SH3RF3: variants seen among roughly 807,000 people sequenced by gnomAD.
The protein encoded by SH3RF3 is E3 ubiquitin-protein ligase SH3RF3.
In SH3RF3, 29 loss-of-function variants were observed where a neutral mutation model predicts 66.3. The observed-to-expected ratio is 0.44, with a 90% confidence interval of 0.33 to 0.60. The LOEUF (loss-of-function observed/expected upper bound fraction) is 0.60. Among genes scored for constraint, SH3RF3 ranks in the 20% least tolerant of loss-of-function variants. The pLI is 0.04. For synonymous variants in SH3RF3, 583 were observed against 532.0 expected (o/e 1.10, Z -1.32); for missense variants, 1,194 against 1,190.9 (o/e 1.00, Z -0.04).
At chr2:109,151,602 C>T (rs1677227393) in intron 1 of SH3RF3, among the ~76,000 whole-genome samples, 1 of 152,222 alleles carries the variant, frequency 6.6e-6, no homozygotes, top group South Asian at 2.1e-4. Context: ...AATTTGCATC[C>T]TTTCATCCAT....
intron 3 of SH3RF3, among the ~76,000 whole-genome samples, chr2:109,380,249 A>G (rs1272990998): frequency 6.6e-6 from 1 of 152,164 alleles, no homozygotes; most frequent in Non-Finnish European, 1.5e-5. Flanking sequence ...TCTTCGTGAA[A>G]TTAACATCTT....
chr2:109,294,580 A>C (rs2105375331), intron 1 of SH3RF3, among the ~76,000 whole-genome samples: 1 of 112,210 alleles, frequency 8.9e-6, no homozygotes, highest in South Asian at 3.0e-4. Flanking sequence ...AAATTAATTA[A>C]AAAAAAGGTA....
chr2:109,400,573 GCGCACA>G (rs1676285249), intron 4 of SH3RF3, among the ~76,000 whole-genome samples: 1 of 144,324 alleles, frequency 6.9e-6, no homozygotes, highest in African/African-American at 2.9e-5. Flanking sequence ...ACACACCTGT[GCGCACA>G]CACACACACA....
Position 109,160,230 on chromosome 2 carries a change from G to A in SH3RF3, c.573+30117G>A, listed in dbSNP as rs191103170. 3.3e-4 allele frequency among the ~76,000 whole-genome samples: 50 copies of A among 152,284 alleles called. 1 individual carries two copies. The highest frequency in any genetic ancestry group is 2.5e-3 in the Admixed American group (39 of 15,300). On this transcript the variant is annotated intron_variant, in intron 1 of 9. Transcript: ENST00000309415. ...TGTGGGATGAACAGCCAGGTCAGTC[G>A]GTAGCTGCTGAGCAGGGTGACCCAT...
At chr2:109,333,019 G>A (rs145591734) in intron 1 of SH3RF3, among the ~76,000 whole-genome samples, 300 of 152,318 alleles carry the variant, frequency 2.0e-3, no homozygotes, top group African/African-American at 7.0e-3. Flanking sequence ...ATTCGTCTTC[G>A]GCAGCCTGGG....
Position 109,133,390 on chromosome 2 carries a change from G to A in SH3RF3, c.573+3277G>A, listed in dbSNP as rs115961612. ...CTTAATAGAGAAAATAATTTAAGTT[G>A]GAGAATCATAAAATTATATTTGTTA... On this transcript the variant is annotated intron_variant, in intron 1 of 9. Transcript: ENST00000309415. Among the ~76,000 whole-genome samples the A allele has an allele frequency of 9.5e-3, 1,451 of 152,232 alleles. 36 individuals carry two copies. The highest frequency in any genetic ancestry group is 0.033 in the African/African-American group (1,367 of 41,530).
intron 1 of SH3RF3, among the ~76,000 whole-genome samples, chr2:109,139,250 A>G (rs1359855064): frequency 6.6e-6 from 1 of 152,236 alleles, no homozygotes; most frequent in Non-Finnish European, 1.5e-5. Flanking sequence ...CGTGCAGAGC[A>G]TCAAGAATGT....
At chr2:109,161,061 G>A (rs1351077026) in intron 1 of SH3RF3, among the ~76,000 whole-genome samples, 2 of 152,150 alleles carry the variant, frequency 1.3e-5, no homozygotes. Context: ...AGTAGGTGAG[G>A]GTGCTTGTGA....
chr2:109,300,613 G>T (rs7597710), intron 1 of SH3RF3, among the ~76,000 whole-genome samples: 36,797 of 152,114 alleles, frequency 0.24, 5,240 homozygotes, highest in South Asian at 0.33. Context: ...TGGGACTTCA[G>T]GTTCTTCCTG....
intron 8 of SH3RF3, among the ~76,000 whole-genome samples, chr2:109,474,963 GGTT>G (rs1026768476): frequency 5.9e-5 from 9 of 151,340 alleles, no homozygotes; most frequent in African/African-American, 2.2e-4. Context: ...GTTTTGTTTG[GGTT>G]TTTTTTGTTT....
rs1679395681 is a variant in SH3RF3, at chr2:109,501,803, G to A, written c.*132G>A. 4.9e-6 allele frequency: 3 copies of A among 613,150 alleles called. No homozygotes were observed. The highest frequency in any genetic ancestry group is 5.5e-5 in the East Asian group (2 of 36,484). The allele number at this position is 613,150 out of a possible 1,614,324, so 38.0% of individuals were successfully genotyped here. ...AAGGCACCTGGCGGGGGATACCCTG[G>A]CCCAGGGTGGGGGCCAGGGACTGTG... is the stretch of plus-strand genomic sequence containing the variant. On this transcript the variant is annotated 3_prime_UTR_variant, in exon 10 of 10. Transcript: ENST00000309415.
chr2:109,284,394 G>T (rs954627772), intron 1 of SH3RF3, among the ~76,000 whole-genome samples: 1 of 152,178 alleles, frequency 6.6e-6, no homozygotes, highest in African/African-American at 2.4e-5. Context: ...ATGGAATTTG[G>T]CAATTGTGGG....
At chr2:109,480,734 TCTC>T (rs1019412369) in intron 8 of SH3RF3, among the ~76,000 whole-genome samples, 1 of 152,190 alleles carries the variant, frequency 6.6e-6, no homozygotes, top group Admixed American at 6.5e-5. Flanking sequence ...ATTCCCCTCC[TCTC>T]CTCCTGGATC....
chr2:109,152,125 G>A (rs1288692039), intron 1 of SH3RF3, among the ~76,000 whole-genome samples: 2 of 152,274 alleles, frequency 1.3e-5, no homozygotes, highest in Admixed American at 6.5e-5. Context: ...GCCTCTTTTT[G>A]GAGAGGATGA....
In SH3RF3 at chr2:109,449,236, A is replaced by C; in HGVS notation, c.1895A>C (p.Asn632Thr). Residue 632 changes from asparagine (N) to threonine (T), a missense_variant, in exon 8 of 10, where the codon AAC becomes ACC. Physicochemically the swap from Asn to Thr is moderately conservative, Grantham distance 65. Transcript: ENST00000309415. The part of the protein sequence containing the change: ...TATVSPLRTQ[N>T]SPSRLPATSL... ...ACCGTGTCACCCCTGCGCACCCAGA[A>C]CTCTCCATCCCGCCTGCCTGCCACC... is the stretch of plus-strand genomic sequence containing the variant. 1 of 1,611,556 alleles carries C rather than the reference A, an allele frequency of 6.2e-7. No homozygotes were observed. Among genetic ancestry groups the C allele is most frequent in the African/African-American group, 1.3e-5 (1 of 74,414 alleles).
chr2:109,129,859 G>T lies in SH3RF3; in HGVS notation c.319G>T (p.Glu107Ter). 1.3e-6 allele frequency: 2 copies of T among 1,526,896 alleles called. No individual in the cohort carries two copies. Among genetic ancestry groups the T allele is most frequent in the Non-Finnish European group, 1.8e-6 (2 of 1,141,776 alleles). 94.6% of individuals were successfully genotyped at this position (1,526,896 alleles called of 1,614,324 possible). ...CATCCTGGTGGGCTGCGGCGTGGAC[G>T]AACTGCCCGCCAACATCTTGCTGGT... ...CRILVGCGVD[E>*]LPANILLVRL... is the part of the protein sequence containing the mutation. Residue 107 changes from glutamate (E) to a stop codon, truncating the protein, a stop_gained, in exon 1 of 10, where the codon GAA becomes TAA. Coordinates refer to ENST00000309415, the MANE Select transcript of SH3RF3 (RefSeq NM_001099289.3). LOFTEE classifies it high-confidence loss of function.
Position 109,388,807 on chromosome 2 carries a change from G to C in SH3RF3, c.946-9783G>C, listed in dbSNP as rs531302054. ...TGATCACTTTGGCTTTGTTCTCCTA[G>C]GGTTGCTCTGGGATGTCAGAGAGAG... On this transcript the variant is annotated intron_variant, in intron 3 of 9. Transcript: ENST00000309415. Among the ~76,000 whole-genome samples the C allele has an allele frequency of 3.6e-4, 54 of 150,430 alleles. 1 individual carries two copies. Among genetic ancestry groups the C allele is most frequent in the Middle Eastern group, 6.8e-3 (2 of 294 alleles).
At chr2:109,486,945 G>C (rs1356826050) in intron 8 of SH3RF3, among the ~76,000 whole-genome samples, 1 of 152,198 alleles carries the variant, frequency 6.6e-6, no homozygotes, top group Non-Finnish European at 1.5e-5. Flanking sequence ...TTTTCTCCCT[G>C]TGAGGCTGAA....
intron 1 of SH3RF3, among the ~76,000 whole-genome samples, chr2:109,172,358 C>T (rs1677805817): frequency 6.6e-6 from 1 of 152,258 alleles, no homozygotes; most frequent in South Asian, 2.1e-4. Flanking sequence ...AACCCCTCTT[C>T]ACCATGCACG....
Sources: gnomAD v4.1 joint callset for allele counts (sites outside exome capture counted in the v4.1 genomes callset) on GRCh38, gnomAD v4.1.1 for gene constraint, MANE v1.5 for transcripts, NCBI Gene and HGNC (gene_info 2026-07-23, HGNC 2026-07-21) for gene names.